HMCN2: variants seen among roughly 807,000 people sequenced by gnomAD.
HMCN2 encodes hemicentin-2.
In HMCN2, 325 loss-of-function variants were observed where a neutral mutation model predicts 377.5. The ratio of observed to expected loss-of-function variants is 0.86; its 90% CI spans 0.79 to 0.94. The LOEUF (loss-of-function observed/expected upper bound fraction) is 0.94. HMCN2 is among the 40% of genes least tolerant of loss of function. HMCN2 has a pLI of 0.00. For synonymous variants in HMCN2, 2,007 were observed against 2,046.8 expected (o/e 0.98, Z 0.53); for missense variants, 4,543 against 4,725.3 (o/e 0.96, Z 1.13).
Position 130,384,988 on chromosome 9 carries a change from C to T in HMCN2, c.9106+190C>T, listed in dbSNP as rs12002990. Reference sequence around the variant, plus strand: ...CCAGGAGCCTGGCTGGGGAAGGGGCCTCCCCAAGCCTTGTGTGGTGGGGGA... The same window carrying T: ...CCAGGAGCCTGGCTGGGGAAGGGGCTTCCCCAAGCCTTGTGTGGTGGGGGA... On this transcript the variant is annotated intron_variant, in intron 59 of 97. Transcript: ENST00000683500. Among the ~76,000 whole-genome samples, 1,282 of 152,278 alleles carry T rather than the reference C, an allele frequency of 8.4e-3. 20 individuals are homozygous for T. Among genetic ancestry groups the T allele is most frequent in the African/African-American group, 0.029 (1,199 of 41,550 alleles).
At position 130,433,777 on chromosome 9, in the gene HMCN2, G is replaced by A; in HGVS notation, c.*84G>A. 6 of 1,121,272 alleles carry A rather than the reference G, an allele frequency of 5.4e-6. No individual in the cohort carries two copies. Among genetic ancestry groups the A allele is most frequent in the Non-Finnish European group, 7.2e-6 (6 of 830,776 alleles). The allele number at this position is 1,121,272 out of a possible 1,614,324, so 69.5% of individuals were successfully genotyped here. A position where few individuals can be genotyped will look rare whatever the true frequency, so the allele number is the denominator to read the frequency against. Reference sequence around the variant, plus strand: ...AGCTTGGTCCACGCCACCTGCTGTGGCAAGCGGAGCGTCATCGTCTCCCGC... The same window carrying A: ...AGCTTGGTCCACGCCACCTGCTGTGACAAGCGGAGCGTCATCGTCTCCCGC... On this transcript the variant is annotated 3_prime_UTR_variant, in exon 98 of 98. Coordinates refer to ENST00000683500, the MANE Select transcript of HMCN2 (RefSeq NM_001291815.2).
At chr9:130,399,471 C>T in intron 75 of HMCN2, 40 bp from the exon 76 acceptor site, 2 of 1,244,766 alleles carry the variant, frequency 1.6e-6, no homozygotes, top group Non-Finnish European at 1.0e-6. Context: ...TGGTCTCTGT[C>T]AGCCCAGCAG....
intron 1 of HMCN2, among the ~76,000 whole-genome samples, chr9:130,267,299 A>T (rs1834158418): frequency 6.7e-6 from 1 of 149,622 alleles, no homozygotes; most frequent in African/African-American, 2.5e-5. Flanking sequence ...GGGGAGAAAC[A>T]TACATGGAAC....
At chr9:130,426,953 G>A (rs374348750) in intron 90 of HMCN2, among the ~76,000 whole-genome samples, 11 of 152,014 alleles carry the variant, frequency 7.2e-5, no homozygotes, top group East Asian at 5.8e-4. Context: ...TTTGCTGCCC[G>A]TCTGACGCTA....
intron 87 of HMCN2, among the ~76,000 whole-genome samples, chr9:130,424,467 T>C (rs768414799): frequency 9.9e-5 from 15 of 151,846 alleles, no homozygotes; most frequent in Admixed American, 3.3e-4. Flanking sequence ...ATTACAGGCA[T>C]GAGCCACCGC....
At chr9:130,277,104 C>G (rs1312511200) in intron 1 of HMCN2, among the ~76,000 whole-genome samples, 3 of 152,228 alleles carry the variant, frequency 2.0e-5, no homozygotes, top group African/African-American at 7.2e-5. Context: ...AGGGGTTAGG[C>G]CGTTCCACCC....
At chr9:130,312,726 C>G (rs936099250) in intron 15 of HMCN2, among the ~76,000 whole-genome samples, 3 of 149,900 alleles carry the variant, frequency 2.0e-5, no homozygotes, top group African/African-American at 7.4e-5. Context: ...AGTGCCCAGG[C>G]GCAATCTCGG....
intron 74 of HMCN2, among the ~76,000 whole-genome samples, chr9:130,398,121 C>A (rs964379291): frequency 7.5e-6 from 1 of 133,472 alleles, no homozygotes; most frequent in African/African-American, 2.9e-5. Flanking sequence ...CCACTGCACT[C>A]CAGCCTGGGT....
At chr9:130,403,044 A>G in intron 78 of HMCN2, 148 bp downstream of exon 78, 1 of 1,033,924 alleles carries the variant, frequency 9.7e-7, no homozygotes, top group South Asian at 1.5e-5. Flanking sequence ...CAGGAAAAGA[A>G]TCAGCCATGG....
intron 4 of HMCN2, among the ~76,000 whole-genome samples, chr9:130,287,093 G>T (rs1024382836): frequency 6.6e-6 from 1 of 152,198 alleles, no homozygotes; most frequent in Non-Finnish European, 1.5e-5. Context: ...TTCCAAGTCA[G>T]AGTTGGGAAG....
intron 60 of HMCN2, 106 bp downstream of exon 60, chr9:130,385,868 T>C: frequency 1.4e-6 from 1 of 731,796 alleles, no homozygotes; most frequent in Non-Finnish European, 2.0e-6. Context: ...AGTTGCTGCC[T>C]CCTTGGCCTG....
Position 130,424,841 on chromosome 9 carries a change from G to A in HMCN2, c.13447G>A (p.Gly4483Arg). ...PIYWALARES[G>R]EALNGHSLTG... ...CTACTGGGCCCTGGCCAGAGAGAGT[G>A]GGGAAGCCCTGAATGGCCACTCTCT... Residue 4483 changes from glycine to arginine, a missense_variant, in exon 88 of 98, where the codon GGG becomes AGG. Coordinates refer to ENST00000683500, the MANE Select transcript of HMCN2 (RefSeq NM_001291815.2). 1 of 1,505,570 alleles carries A rather than the reference G, an allele frequency of 6.6e-7. No individual in the cohort carries two copies. Among genetic ancestry groups the A allele is most frequent in the Non-Finnish European group, 8.9e-7 (1 of 1,122,082 alleles). 93.3% of individuals were successfully genotyped at this position (1,505,570 alleles called of 1,614,324 possible).
chr9:130,404,146 C>T (rs1842978626), intron 80 of HMCN2, among the ~76,000 whole-genome samples: 1 of 152,214 alleles, frequency 6.6e-6, no homozygotes, highest in Non-Finnish European at 1.5e-5. Context: ...CCTGCTCTGG[C>T]ACACACACAA....
At chr9:130,432,796 C>T (rs2131845085) in intron 97 of HMCN2, 1 of 565,152 alleles carries the variant, frequency 1.8e-6, no homozygotes, top group South Asian at 2.1e-5. Flanking sequence ...AAAACTCAGA[C>T]ACGCCAGCAC....
At chr9:130,294,654 C>T (rs542854895) in intron 4 of HMCN2, among the ~76,000 whole-genome samples, 12 of 152,276 alleles carry the variant, frequency 7.9e-5, no homozygotes, top group Non-Finnish European at 1.5e-4. Flanking sequence ...CTGAGTCCTC[C>T]GAATGCCTCA....
In HMCN2 at chr9:130,351,663, A is replaced by T; in HGVS notation, c.4585+86A>T. The T allele has an allele frequency of 8.7e-7, 1 of 1,149,416 alleles. No individual in the cohort carries two copies. Among genetic ancestry groups the T allele is most frequent in the Non-Finnish European group, 1.1e-6 (1 of 886,960 alleles). The allele number at this position is 1,149,416 out of a possible 1,614,324, so 71.2% of individuals were successfully genotyped here. Reference sequence around the variant, plus strand: ...TGCCCGCTGCCTTAGAGGGAGAGTGAGGGCTGAAATGGGGGACCTGGTGAG... The same window carrying T: ...TGCCCGCTGCCTTAGAGGGAGAGTGTGGGCTGAAATGGGGGACCTGGTGAG... On this transcript the variant is annotated intron_variant, in intron 30 of 97. Coordinates refer to ENST00000683500, the MANE Select transcript of HMCN2 (RefSeq NM_001291815.2). The surrounding 1 kb of genome is among the most constrained non-coding windows in gnomAD (Gnocchi z 5.4).
Position 130,428,876 on chromosome 9 carries a change from C to A in HMCN2, c.14197+387C>A, listed in dbSNP as rs180884910. On this transcript the variant is annotated intron_variant, in intron 93 of 97. Coordinates refer to ENST00000683500, the MANE Select transcript of HMCN2 (RefSeq NM_001291815.2). The surrounding 1 kb of genome is among the most constrained non-coding windows in gnomAD (Gnocchi z 5.0). ...ATCCTTCTTGACGCAGCAGCCCCTGCAGCCACAGTGGAACAGGTTCAGTCA... is the reference window on the plus strand; with the variant it reads ...ATCCTTCTTGACGCAGCAGCCCCTGAAGCCACAGTGGAACAGGTTCAGTCA... Among the ~76,000 whole-genome samples, 6 of 152,358 alleles carry A rather than the reference C, an allele frequency of 3.9e-5. No individual in the cohort carries two copies. The East Asian group carries it at 9.6e-4, about 24-fold the overall frequency.
intron 15 of HMCN2, among the ~76,000 whole-genome samples, chr9:130,316,587 C>A (rs926973809): frequency 6.6e-6 from 1 of 152,180 alleles, no homozygotes; most frequent in Non-Finnish European, 1.5e-5. Context: ...CAGCTGCAGC[C>A]GTCAGCTGAC....
At chr9:130,420,389 C>A (rs1421383999) in intron 86 of HMCN2, among the ~76,000 whole-genome samples, 1 of 152,054 alleles carries the variant, frequency 6.6e-6, no homozygotes, top group Non-Finnish European at 1.5e-5. Context: ...CACTTCTTAC[C>A]CTCTCCTGTT....
Sources: gnomAD v4.1 joint callset for allele counts (sites outside exome capture counted in the v4.1 genomes callset) on GRCh38, gnomAD v4.1.1 for gene constraint, Gnocchi (gnomAD v3.1) non-coding constraint, MANE v1.5 for transcripts, NCBI Gene and HGNC (gene_info 2026-07-23, HGNC 2026-07-21) for gene names.